The following TEX2 variants were observed in gnomAD, a reference collection of about 807,000 sequenced individuals.
TEX2 encodes testis-expressed protein 2.
Under a neutral mutation model 106.9 loss-of-function variants are expected in TEX2, and 53 were observed. The ratio of observed to expected loss-of-function variants is 0.50; its 90% CI spans 0.40 to 0.62. The LOEUF (loss-of-function observed/expected upper bound fraction) is 0.62. Ranked by LOEUF, TEX2 falls within the 20% of genes least tolerant of loss-of-function variation. The pLI, the probability that TEX2 is intolerant of heterozygous loss-of-function variation, is 0.00. For synonymous variants in TEX2, 523 were observed against 534.8 expected (o/e 0.98, Z 0.30); for missense variants, 1,207 against 1,379.0 (o/e 0.88, Z 1.98).
intron 7 of TEX2, among the ~76,000 whole-genome samples, chr17:64,165,655 T>C (rs1179153611): frequency 1.3e-5 from 2 of 152,182 alleles, no homozygotes; most frequent in South Asian, 2.1e-4. Flanking sequence ...TTTTCTGTCA[T>C]TACTCAGGTG....
intron 7 of TEX2, among the ~76,000 whole-genome samples, chr17:64,163,548 T>C (rs2030983496): frequency 6.6e-6 from 1 of 152,188 alleles, no homozygotes. Flanking sequence ...GAAGACTATT[T>C]TAGCATTAAG....
At chr17:64,255,243 T>C (rs1362057610) in intron 1 of TEX2, among the ~76,000 whole-genome samples, 4 of 152,196 alleles carry the variant, frequency 2.6e-5, no homozygotes, top group Admixed American at 6.5e-5. Flanking sequence ...CTGGTCATCT[T>C]GAAAGCACTC....
At chr17:64,180,050 C>G (rs1450258116) in intron 5 of TEX2, among the ~76,000 whole-genome samples, 2 of 152,186 alleles carry the variant, frequency 1.3e-5, no homozygotes, top group African/African-American at 4.8e-5. Context: ...AAGGGTAATT[C>G]ATTCAGCTTT....
chr17:64,160,396 A>T (rs1378587892), intron 8 of TEX2, among the ~76,000 whole-genome samples: 2 of 152,328 alleles, frequency 1.3e-5, no homozygotes, highest in East Asian at 1.9e-4. Context: ...CTAATTATAA[A>T]TAATTCTGAC....
rs537577829 is a variant in TEX2, at chr17:64,201,079, C to T, written c.1645-5984G>A. On this transcript the variant is annotated intron_variant, in intron 2 of 11. Coordinates refer to ENST00000584379, the MANE Select transcript of TEX2 (RefSeq NM_001288732.2). ...AGCCTAAATGAGACCCTACACTGAT[C>T]GTATCCAATTACACAAAAGACTGCT... Among the ~76,000 whole-genome samples the T allele has an allele frequency of 2.0e-5, 3 of 152,306 alleles. No homozygotes were observed. The South Asian group carries it at 6.2e-4, about 32-fold the overall frequency.
chr17:64,212,462 A>C, intron 2 of TEX2, 112 bp downstream of exon 2: 1 of 1,027,090 alleles, frequency 9.7e-7, no homozygotes, highest in Non-Finnish European at 1.4e-6. Flanking sequence ...AGCTCTTAAA[A>C]AACACGGCCT....
At chr17:64,258,918 T>C (rs1272544902) in intron 1 of TEX2, among the ~76,000 whole-genome samples, 3 of 152,078 alleles carry the variant, frequency 2.0e-5, no homozygotes, top group Non-Finnish European at 4.4e-5. Flanking sequence ...CCACCACGCC[T>C]GGCTAATTTT....
intron 8 of TEX2, chr17:64,155,571 C>G (rs1486053998): frequency 6.6e-6 from 1 of 152,180 alleles, no homozygotes; most frequent in Non-Finnish European, 1.5e-5. Flanking sequence ...AGCCAACAAC[C>G]ACATACACAC....
At chr17:64,244,726 C>T (rs1013566849) in intron 1 of TEX2, among the ~76,000 whole-genome samples, 2 of 152,166 alleles carry the variant, frequency 1.3e-5, no homozygotes, top group African/African-American at 4.8e-5. Flanking sequence ...AAGAATAACA[C>T]GTACATTTCC....
intron 1 of TEX2, among the ~76,000 whole-genome samples, chr17:64,227,301 G>T (rs1199221073): frequency 6.6e-6 from 1 of 151,452 alleles, no homozygotes; most frequent in Non-Finnish European, 1.5e-5. Flanking sequence ...CTCAGGACAG[G>T]TATGTCCTAA....
chr17:64,171,990 AAAAAAG>A (rs1484907106), intron 6 of TEX2, among the ~76,000 whole-genome samples: 2 of 151,758 alleles, frequency 1.3e-5, no homozygotes, highest in East Asian at 3.9e-4. Context: ...AAAAAAAAAA[AAAAAAG>A]AAAAGAAGAG....
chr17:64,169,069 C>T (rs1444806488), intron 7 of TEX2, among the ~76,000 whole-genome samples: 3 of 151,974 alleles, frequency 2.0e-5, no homozygotes, highest in African/African-American at 4.8e-5. Context: ...GACAGAGTCT[C>T]GCTCTGTCGC....
chr17:64,197,026 A>G (rs1000460564), intron 2 of TEX2, among the ~76,000 whole-genome samples: 9 of 100,168 alleles, frequency 9.0e-5, no homozygotes, highest in East Asian at 4.2e-4. Context: ...GTTTACCAGC[A>G]TAACACTTTG....
Position 64,153,112 on chromosome 17 carries a change from A to C in TEX2, c.2973T>G (p.Val991=). 1 of 1,614,140 alleles carries C rather than the reference A, an allele frequency of 6.2e-7. No individual in the cohort carries two copies. The highest frequency in any genetic ancestry group is 8.5e-7 in the Non-Finnish European group (1 of 1,179,978). ...GHRTSKIMRF[V]DKITKSKYFQ... is the part of the protein sequence containing the mutation. The stretch of plus-strand genomic sequence containing the variant: ...AATATTTTGACTTGGTAATTTTATC[A>C]ACAAACCTCATAATCTTACTTGTTC... Residue 991 remains valine (V), a synonymous_variant, in exon 10 of 12, where the codon GTT becomes GTG. Coordinates refer to ENST00000584379, the MANE Select transcript of TEX2 (RefSeq NM_001288732.2). The surrounding 1 kb of genome is among the most constrained non-coding windows in gnomAD (Gnocchi z 4.1).
chr17:64,154,317 T>C (rs1024425579), intron 9 of TEX2, among the ~76,000 whole-genome samples: 1 of 151,760 alleles, frequency 6.6e-6, no homozygotes, highest in Non-Finnish European at 1.5e-5. Context: ...ATAGGCTATT[T>C]AAGCACTTTG....
intron 10 of TEX2, 122 bp downstream of exon 10, chr17:64,152,823 G>T: frequency 1.1e-6 from 1 of 925,970 alleles, no homozygotes; most frequent in Non-Finnish European, 1.6e-6. Flanking sequence ...CATGAAAATT[G>T]TTTGGAAGTG....
intron 2 of TEX2, among the ~76,000 whole-genome samples, chr17:64,206,130 G>A (rs2032820860): frequency 6.6e-6 from 1 of 152,142 alleles, no homozygotes; most frequent in Admixed American, 6.5e-5. Context: ...GCAGTTTGCT[G>A]ACTCTAAATG....
At chr17:64,179,395 G>T (rs2143795567) in intron 5 of TEX2, among the ~76,000 whole-genome samples, 2 of 152,330 alleles carry the variant, frequency 1.3e-5, no homozygotes, top group Middle Eastern at 6.8e-3. Context: ...GACAATAAGG[G>T]AATAAAAGCT....
intron 1 of TEX2, among the ~76,000 whole-genome samples, chr17:64,218,195 G>A (rs1398221931): frequency 2.0e-5 from 3 of 152,066 alleles, no homozygotes; most frequent in African/African-American, 7.2e-5. Flanking sequence ...TCAGTGAGCT[G>A]AGACTGTGGC....
Sources: gnomAD v4.1 joint callset for allele counts (sites outside exome capture counted in the v4.1 genomes callset) on GRCh38, gnomAD v4.1.1 for gene constraint, Gnocchi (gnomAD v3.1) non-coding constraint, MANE v1.5 for transcripts, NCBI Gene and HGNC (gene_info 2026-07-23, HGNC 2026-07-21) for gene names.